FKBP5: variants seen among roughly 807,000 people sequenced by gnomAD.
The protein encoded by FKBP5 is FKBP prolyl isomerase 5.
A neutral mutation model predicts 50.5 loss-of-function variants in FKBP5; 23 were observed. That is an observed-to-expected ratio of 0.46 (90% CI 0.33 to 0.65). The LOEUF is 0.65. Ranked by LOEUF, FKBP5 falls within the 30% of genes least tolerant of loss-of-function variation. The pLI, the probability that FKBP5 is intolerant of heterozygous loss-of-function variation, is 0.02. For missense variants in FKBP5, 411 were observed against 553.1 expected, an observed-to-expected ratio of 0.74 and a Z score of 2.58; for synonymous variants, 176 against 190.6, an observed-to-expected ratio of 0.92 and a Z score of 0.63.
chr6:35,666,394 TAAAAAA>T lies in FKBP5; in HGVS notation c.-20+22404_-20+22409del, dbSNP rs550878351. On this transcript the variant is annotated intron_variant, in intron 1 of 10. Coordinates refer to ENST00000357266, the MANE Select transcript of FKBP5 (RefSeq NM_004117.4). Reference sequence around the variant, plus strand: ...CATGCAGAAACACTACTATTATAGTTAAAAAAAAAAAAAAAAAAAAAAAAAGGAGGG... The same window carrying T: ...CATGCAGAAACACTACTATTATAGTTAAAAAAAAAAAAAAAAAAAGGAGGG... Among the ~76,000 whole-genome samples, 88 of 33,254 alleles carry T rather than the reference TAAAAAA, an allele frequency of 2.6e-3. 4 individuals are homozygous for T. The highest frequency in any genetic ancestry group is 4.9e-3 in the East Asian group (4 of 824). 21.8% of individuals were successfully genotyped at this position (33,254 alleles called of 152,430 possible).
At chr6:35,725,955 A>T (rs1463394535) in intron 1 of FKBP5, among the ~76,000 whole-genome samples, 3 of 152,184 alleles carry the variant, frequency 2.0e-5, no homozygotes, top group Non-Finnish European at 2.9e-5. Flanking sequence ...TTGCAACCAC[A>T]GGAAACCTAC....
At chr6:35,663,848 A>G (rs1765142369) in intron 1 of FKBP5, among the ~76,000 whole-genome samples, 1 of 152,242 alleles carries the variant, frequency 6.6e-6, no homozygotes, top group African/African-American at 2.4e-5. Flanking sequence ...TAGTATTTGT[A>G]TACTGCCTGT....
At chr6:35,692,744 T>C (rs553200477), upstream of FKBP5, among the ~76,000 whole-genome samples, 361 of 149,702 alleles carry the variant, frequency 2.4e-3, 1 homozygote, top group African/African-American at 8.2e-3. Context: ...TGAGCCAAGA[T>C]TGCACCACTG....
intron 8 of FKBP5, 64 bp downstream of exon 8, chr6:35,586,970 C>T: frequency 6.2e-7 from 1 of 1,611,482 alleles, no homozygotes; most frequent in Non-Finnish European, 8.5e-7. Flanking sequence ...GGAATATCAG[C>T]ACAATTCACC....
intron 6 of FKBP5, among the ~76,000 whole-genome samples, chr6:35,592,385 T>A (rs1336187530): frequency 6.6e-6 from 1 of 151,920 alleles, no homozygotes; most frequent in Non-Finnish European, 1.5e-5. Context: ...ACACAGAAAA[T>A]GGAAGCTGGA....
chr6:35,652,462 G>A (rs1359630421), intron 1 of FKBP5, among the ~76,000 whole-genome samples: 4 of 152,164 alleles, frequency 2.6e-5, no homozygotes, highest in East Asian at 3.8e-4. Flanking sequence ...AAGAGAATGC[G>A]CACCTAGGGG....
At chr6:35,638,372 G>GT (rs1350825991) in intron 2 of FKBP5, among the ~76,000 whole-genome samples, 2 of 152,086 alleles carry the variant, frequency 1.3e-5, no homozygotes, top group African/African-American at 4.8e-5. Flanking sequence ...CATAAACACT[G>GT]TGAACTTAAA....
chr6:35,618,213 T>C (rs1159902628), intron 5 of FKBP5, among the ~76,000 whole-genome samples: 2 of 152,182 alleles, frequency 1.3e-5, no homozygotes, highest in Non-Finnish European at 2.9e-5. Flanking sequence ...AGGCAACTAA[T>C]ATAGTTGTTG....
intron 1 of FKBP5, among the ~76,000 whole-genome samples, chr6:35,675,268 C>G (rs572420431): frequency 1.3e-5 from 2 of 152,360 alleles, no homozygotes; most frequent in Admixed American, 1.3e-4. Flanking sequence ...ATACTCTAGG[C>G]TGGGTGTGGT....
intron 1 of FKBP5, among the ~76,000 whole-genome samples, chr6:35,648,396 G>A (rs1202827792): frequency 2.0e-5 from 3 of 151,718 alleles, no homozygotes; most frequent in African/African-American, 7.3e-5. Flanking sequence ...AGCCACCCTA[G>A]TAGTTCAAAC....
chr6:35,620,564 A>T (rs1287564579), intron 3 of FKBP5, among the ~76,000 whole-genome samples: 3 of 135,434 alleles, frequency 2.2e-5, no homozygotes, highest in Middle Eastern at 3.8e-3. Context: ...CCTCATCTCT[A>T]AAAAAAAAAA....
intron 1 of FKBP5, among the ~76,000 whole-genome samples, chr6:35,685,124 T>C (rs909206775): frequency 6.6e-6 from 1 of 152,172 alleles, no homozygotes; most frequent in Non-Finnish European, 1.5e-5. Flanking sequence ...CAAACTACTA[T>C]AAGAAGTACA....
At chr6:35,678,127 A>G (rs907179904) in intron 1 of FKBP5, among the ~76,000 whole-genome samples, 1 of 152,206 alleles carries the variant, frequency 6.6e-6, no homozygotes, top group South Asian at 2.1e-4. Flanking sequence ...GTTAGAAACA[A>G]AAGAATTTAG....
In FKBP5 at chr6:35,673,812, CAG is replaced by C. The variant is rs552109513; in HGVS notation, c.-20+14990_-20+14991del. ...TTGTCTTGGTGCTTAATAGTAATAA[CAG>C]AAAATTTATTTATTGTACTACTATA... On this transcript the variant is annotated intron_variant, in intron 1 of 10. Transcript: ENST00000357266. Among the ~76,000 whole-genome samples the C allele has an allele frequency of 1.7e-3, 255 of 152,170 alleles. 3 individuals carry two copies. The highest frequency in any genetic ancestry group is 6.5e-3 in the Admixed American group (99 of 15,288).
intron 9 of FKBP5, among the ~76,000 whole-genome samples, chr6:35,579,290 C>CAAAG (rs1447154448): frequency 6.6e-6 from 1 of 152,150 alleles, no homozygotes. Flanking sequence ...AATAATCTCA[C>CAAAG]AAAGAATGTA....
chr6:35,576,011 A>T, intron 10 of FKBP5, 69 bp from the exon 11 acceptor site: 1 of 1,087,614 alleles, frequency 9.2e-7, no homozygotes, highest in Non-Finnish European at 1.4e-6. Context: ...GCTCCTCCAG[A>T]CTGTGTATCA....
chr6:35,681,878 T>C (rs1027842787), intron 1 of FKBP5, among the ~76,000 whole-genome samples: 1 of 152,164 alleles, frequency 6.6e-6, no homozygotes, highest in Non-Finnish European at 1.5e-5. Flanking sequence ...GCTTGAATAA[T>C]TCTGATCACG....
At position 35,581,664 on chromosome 6, in the gene FKBP5, T is replaced by C. The variant is rs962624800; in HGVS notation, c.841-1443A>G. The C allele has an allele frequency of 4.7e-5, 46 of 985,344 alleles. No homozygotes were observed. The African/African-American group carries it at 8.0e-4, about 17-fold the overall frequency. 61.0% of individuals were successfully genotyped at this position (985,344 alleles called of 1,614,324 possible). A position where few individuals can be genotyped will look rare whatever the true frequency, so the allele number is the denominator to read the frequency against. ...CAATGTGTCCACTGTGATTTTAAGG[T>C]AAATGAAAGCACTGGGGAATCGCTG... On this transcript the variant is annotated intron_variant, in intron 8 of 10. Transcript: ENST00000357266.
chr6:35,578,939 C>T (rs943288531), intron 9 of FKBP5, among the ~76,000 whole-genome samples: 2 of 151,518 alleles, frequency 1.3e-5, no homozygotes, highest in African/African-American at 4.8e-5. Context: ...TTGGAAGACC[C>T]CCATCTCTAC....
Sources: gnomAD v4.1 joint callset for allele counts (sites outside exome capture counted in the v4.1 genomes callset) on GRCh38, gnomAD v4.1.1 for gene constraint, MANE v1.5 for transcripts, NCBI Gene and HGNC (gene_info 2026-07-23, HGNC 2026-07-21) for gene names.